The following ADARB2 variants were observed in gnomAD, a reference collection of about 807,000 sequenced individuals.
The protein encoded by ADARB2 is adenosine deaminase RNA specific B2 (inactive), also known as inactive double-stranded RNA-specific editase B2.
A neutral mutation model predicts 62.2 loss-of-function variants in ADARB2; 25 were observed. The observed-to-expected ratio is 0.40, with a 90% CI of 0.29 to 0.56. ADARB2 has a LOEUF of 0.56. Among genes scored for constraint, ADARB2 ranks in the 20% least tolerant of loss-of-function variants. The pLI is 0.43. For synonymous variants in ADARB2, 572 were observed against 500.8 expected (o/e 1.14, Z -1.90); for missense variants, 1,071 against 1,077.4 (o/e 0.99, Z 0.08).
intron 1 of ADARB2, among the ~76,000 whole-genome samples, chr10:1,609,257 C>T (rs1186745918): frequency 6.6e-6 from 1 of 152,244 alleles, no homozygotes; most frequent in Non-Finnish European, 1.5e-5. Flanking sequence ...TAAAAGACCA[C>T]TAATGAGTTC....
At chr10:1,230,522 G>A (rs1830794771) in intron 6 of ADARB2, among the ~76,000 whole-genome samples, 1 of 152,210 alleles carries the variant, frequency 6.6e-6, no homozygotes, top group South Asian at 2.1e-4. Context: ...GCCTGAGTTA[G>A]CAACGTGGAG....
intron 2 of ADARB2, among the ~76,000 whole-genome samples, chr10:1,376,524 G>C (rs564423910): frequency 1.3e-5 from 2 of 152,280 alleles, no homozygotes; most frequent in East Asian, 3.9e-4. Context: ...TGGGAGGGCA[G>C]GGGGAAGGAG....
chr10:1,343,729 G>A (rs2131840217), intron 3 of ADARB2, among the ~76,000 whole-genome samples: 1 of 152,334 alleles, frequency 6.6e-6, no homozygotes, highest in African/African-American at 2.4e-5. Flanking sequence ...GCAGGAACAT[G>A]GATGGAGCTG....
At chr10:1,569,864 G>A (rs563713815) in intron 1 of ADARB2, among the ~76,000 whole-genome samples, 1 of 152,112 alleles carries the variant, frequency 6.6e-6, no homozygotes. Context: ...GGCACTGCTT[G>A]TTTTTTATCC....
At chr10:1,286,727 G>C (rs1831417336) in intron 3 of ADARB2, among the ~76,000 whole-genome samples, 2 of 152,102 alleles carry the variant, frequency 1.3e-5, no homozygotes. Flanking sequence ...TCAAGGCCAA[G>C]GCTCTGCATC....
intron 1 of ADARB2, among the ~76,000 whole-genome samples, chr10:1,632,723 T>C (rs934325305): frequency 6.6e-6 from 1 of 152,218 alleles, no homozygotes; most frequent in African/African-American, 2.4e-5. Context: ...TGGCATTGAA[T>C]AGACAGAGAC....
At chr10:1,506,299 A>G (rs911569487) in intron 1 of ADARB2, among the ~76,000 whole-genome samples, 3 of 152,144 alleles carry the variant, frequency 2.0e-5, no homozygotes, top group Non-Finnish European at 4.4e-5. Context: ...GAAATAGAGA[A>G]ATTCTGCCCA....
intron 3 of ADARB2, among the ~76,000 whole-genome samples, chr10:1,325,077 G>T (rs540450770): frequency 5.3e-5 from 8 of 152,292 alleles, no homozygotes; most frequent in African/African-American, 1.9e-4. Flanking sequence ...ACGAAGTTCT[G>T]GGCCTCACGC....
At chr10:1,240,286 G>C (rs1309810819) in intron 5 of ADARB2, 1 of 114,262 alleles carries the variant, frequency 8.8e-6, no homozygotes, top group Non-Finnish European at 1.9e-5. Flanking sequence ...CTGCCTCCCG[G>C]TGTTTACTCC....
At chr10:1,269,276 T>C (rs376986941) in intron 4 of ADARB2, among the ~76,000 whole-genome samples, 12 of 152,342 alleles carry the variant, frequency 7.9e-5, no homozygotes, top group Admixed American at 5.9e-4. Context: ...TGTAATTCTT[T>C]TATAGTTCTT....
intron 1 of ADARB2, among the ~76,000 whole-genome samples, chr10:1,647,938 C>T (rs376086192): frequency 5.3e-5 from 8 of 151,974 alleles, no homozygotes; most frequent in African/African-American, 1.4e-4. Context: ...GGGTATATCT[C>T]GAACTGGAGG....
At chr10:1,690,116 G>A (rs1228093594) in intron 1 of ADARB2, among the ~76,000 whole-genome samples, 2 of 152,192 alleles carry the variant, frequency 1.3e-5, no homozygotes, top group Non-Finnish European at 2.9e-5. Context: ...TTGGTCAAAA[G>A]CCACTATAAA....
intron 1 of ADARB2, among the ~76,000 whole-genome samples, chr10:1,610,332 C>G (rs1247455164): frequency 2.0e-5 from 3 of 152,224 alleles, no homozygotes; most frequent in African/African-American, 7.2e-5. Context: ...CCCCTTTCTC[C>G]TAGCCCAGAC....
At chr10:1,486,196 ATGTGTGTGGACGCCTGTG>A (rs1831541025) in intron 1 of ADARB2, among the ~76,000 whole-genome samples, 1 of 140,566 alleles carries the variant, frequency 7.1e-6, no homozygotes, top group Non-Finnish European at 1.5e-5. Flanking sequence ...GTGCATGTGT[ATGTGTGTGGACGCCTGTG>A]TGTGTGTGTG....
At chr10:1,415,837 T>C (rs1832797148) in intron 1 of ADARB2, among the ~76,000 whole-genome samples, 3 of 152,364 alleles carry the variant, frequency 2.0e-5, no homozygotes, top group East Asian at 1.9e-4. Context: ...ACCTCTTCCA[T>C]GCAGCCCTAT....
intron 6 of ADARB2, among the ~76,000 whole-genome samples, chr10:1,231,775 C>T (rs1188708947): frequency 6.6e-6 from 1 of 152,128 alleles, no homozygotes; most frequent in African/African-American, 2.4e-5. Context: ...TACAGAGAAC[C>T]GTATCCAGCC....
intron 1 of ADARB2, among the ~76,000 whole-genome samples, chr10:1,486,111 G>GT (rs1258252603): frequency 1.3e-5 from 2 of 152,098 alleles, no homozygotes; most frequent in Non-Finnish European, 2.9e-5. Flanking sequence ...TCATCTTTGA[G>GT]TTTTGTGGTT....
chr10:1,731,240 C>T (rs991784479), intron 1 of ADARB2, among the ~76,000 whole-genome samples: 5 of 152,204 alleles, frequency 3.3e-5, no homozygotes, highest in Non-Finnish European at 7.3e-5. Flanking sequence ...CCTACGAGCC[C>T]TGTTTGCTAG....
At chr10:1,459,890 C>T (rs1332119771) in intron 1 of ADARB2, among the ~76,000 whole-genome samples, 2 of 152,218 alleles carry the variant, frequency 1.3e-5, no homozygotes, top group Non-Finnish European at 2.9e-5. Context: ...GGCTTAACAC[C>T]TGGCTGACAT....
Sources: allele counts gnomAD v4.1 joint callset (sites outside exome capture counted in the v4.1 genomes callset), GRCh38; gene constraint gnomAD v4.1.1; transcripts MANE v1.5; gene names NCBI Gene and HGNC (gene_info 2026-07-23, HGNC 2026-07-21).